The following SLCO3A1 variants were observed in gnomAD, a reference collection of about 807,000 sequenced individuals.
The protein encoded by SLCO3A1 is PGE1 transporter.
Under a neutral mutation model 63.1 loss-of-function variants are expected in SLCO3A1, and 27 were observed. The observed-to-expected ratio is 0.43, with a 90% CI of 0.32 to 0.59. SLCO3A1 has a LOEUF of 0.59. Ranked by LOEUF, SLCO3A1 falls within the 20% of genes least tolerant of loss-of-function variation. SLCO3A1 has a pLI of 0.09. For missense variants in SLCO3A1, 773 were observed against 945.8 expected (o/e 0.82, Z 2.40); for synonymous variants, 473 against 409.9 (o/e 1.15, Z -1.86).
At chr15:91,855,236 A>G (rs1896885062) in intron 1 of SLCO3A1, among the ~76,000 whole-genome samples, 1 of 152,120 alleles carries the variant, frequency 6.6e-6, no homozygotes, top group Admixed American at 6.5e-5. Flanking sequence ...CTTGGGGTAA[A>G]GTTCATGAGG....
chr15:91,891,040 T>A (rs1191415856), intron 1 of SLCO3A1, among the ~76,000 whole-genome samples: 1 of 151,636 alleles, frequency 6.6e-6, no homozygotes, highest in East Asian at 1.9e-4. Context: ...AGAAACCGAG[T>A]CAAATACTAT....
chr15:91,992,733 A>G (rs762314020), intron 2 of SLCO3A1, among the ~76,000 whole-genome samples: 4 of 152,204 alleles, frequency 2.6e-5, no homozygotes, highest in Admixed American at 6.5e-5. Flanking sequence ...TAATGTTCTC[A>G]GTGACAGCTT....
chr15:92,166,037 GGTTTT>G (rs548408222), downstream of SLCO3A1: 23 of 370,534 alleles, frequency 6.2e-5, no homozygotes, highest in South Asian at 1.3e-3. Context: ...AGAAGGTTTG[GGTTTT>G]GTTTTGTTTT....
intron 2 of SLCO3A1, among the ~76,000 whole-genome samples, chr15:92,028,267 A>T (rs568553038): frequency 2.0e-5 from 3 of 152,148 alleles, no homozygotes; most frequent in Admixed American, 1.3e-4. Flanking sequence ...CAGCCAGGGG[A>T]TGGTTGAGTC....
intron 2 of SLCO3A1, among the ~76,000 whole-genome samples, chr15:92,048,768 G>T (rs1447169937): frequency 6.6e-6 from 1 of 152,176 alleles, no homozygotes; most frequent in Admixed American, 6.6e-5. Context: ...GCTAGTGGCG[G>T]GCACCTGTAA....
intron 6 of SLCO3A1, 60 bp downstream of exon 6, chr15:92,126,319 C>T (rs1309398915): frequency 6.9e-7 from 1 of 1,454,842 alleles, no homozygotes; most frequent in Non-Finnish European, 9.6e-7. Flanking sequence ...CAATCTCCCT[C>T]TGCAGTAGGT....
intron 2 of SLCO3A1, among the ~76,000 whole-genome samples, chr15:92,026,717 C>T (rs2046578105): frequency 6.6e-6 from 1 of 152,138 alleles, no homozygotes; most frequent in South Asian, 2.1e-4. Context: ...TCATGGTTTT[C>T]ATTACACTGG....
intron 2 of SLCO3A1, among the ~76,000 whole-genome samples, chr15:92,038,744 A>T (rs932382088): frequency 6.6e-6 from 1 of 152,218 alleles, no homozygotes; most frequent in Admixed American, 6.5e-5. Flanking sequence ...TAGAATTCGA[A>T]AAAAACTACT....
chr15:92,000,909 T>TC (rs2046246641), intron 2 of SLCO3A1, among the ~76,000 whole-genome samples: 1 of 152,106 alleles, frequency 6.6e-6, no homozygotes, highest in Non-Finnish European at 1.5e-5. Context: ...TCCTGCTGAG[T>TC]CTGGGGTAGT....
At chr15:92,091,937 G>A (rs207977) in intron 2 of SLCO3A1, among the ~76,000 whole-genome samples, 84,881 of 152,092 alleles carry the variant, frequency 0.56, 26,659 homozygotes, top group South Asian at 0.73. Flanking sequence ...GAGGAATTTG[G>A]TGGAGAGGCT....
In SLCO3A1 at chr15:92,063,044, C is replaced by T. The variant is rs1191949181; in HGVS notation, c.647-31837C>T. 2.6e-5 allele frequency among the ~76,000 whole-genome samples: 4 copies of T among 152,202 alleles called. No homozygotes were observed. In the East Asian group the frequency reaches 7.7e-4, roughly 29 times the overall value. On this transcript the variant is annotated intron_variant, in intron 2 of 9. Transcript: ENST00000318445. ...GGGCTATCAGGTCACCCAAAAAGAA[C>T]AACCAAAATGGGCAGCTCAGAATAA...
At chr15:91,901,799 G>A (rs184155948) in intron 1 of SLCO3A1, among the ~76,000 whole-genome samples, 2 of 152,204 alleles carry the variant, frequency 1.3e-5, no homozygotes, top group South Asian at 2.1e-4. Flanking sequence ...GTGTCTAGGC[G>A]GGGATCTTTT....
In SLCO3A1 at chr15:91,997,114, C is replaced by T. The variant is rs571142131; in HGVS notation, c.646+80656C>T. ...CACCTAGAAAACCCTAAAGATTCCA[C>T]CCGAAGGTCCCTGGAAATGATAAAT... On this transcript the variant is annotated intron_variant, in intron 2 of 9. Transcript: ENST00000318445. Among the ~76,000 whole-genome samples, 3 of 152,320 alleles carry T rather than the reference C, an allele frequency of 2.0e-5. No individual in the cohort carries two copies. In the East Asian group the frequency reaches 5.8e-4, roughly 29 times the overall value.
At chr15:91,993,223 A>G (rs376680762) in intron 2 of SLCO3A1, among the ~76,000 whole-genome samples, 10 of 152,356 alleles carry the variant, frequency 6.6e-5, no homozygotes, top group African/African-American at 1.7e-4. Context: ...TTGCATTAGT[A>G]CAAACATTTC....
At chr15:92,154,869 G>A (rs1354048311) in intron 9 of SLCO3A1, among the ~76,000 whole-genome samples, 2 of 152,270 alleles carry the variant, frequency 1.3e-5, no homozygotes, top group South Asian at 2.1e-4. Context: ...TACAGGAACT[G>A]TAAAAACTAG....
At chr15:92,125,721 C>T (rs1373789660) in intron 5 of SLCO3A1, among the ~76,000 whole-genome samples, 7 of 151,896 alleles carry the variant, frequency 4.6e-5, no homozygotes, top group Non-Finnish European at 8.8e-5. Context: ...TGTACCCTCC[C>T]GAAGGCATGT....
At chr15:92,115,670 C>G (rs2047785628) in intron 4 of SLCO3A1, among the ~76,000 whole-genome samples, 1 of 151,796 alleles carries the variant, frequency 6.6e-6, no homozygotes, top group Non-Finnish European at 1.5e-5. Context: ...TACCTGACTC[C>G]TTAGACCAGG....
intron 1 of SLCO3A1, among the ~76,000 whole-genome samples, chr15:91,864,403 G>A (rs1204048883): frequency 1.3e-5 from 2 of 151,844 alleles, no homozygotes; most frequent in Non-Finnish European, 1.5e-5. Context: ...TTTGGGAATA[G>A]CAATTATAAA....
intron 5 of SLCO3A1, among the ~76,000 whole-genome samples, chr15:92,124,671 GA>G (rs1237390153): frequency 2.0e-5 from 3 of 152,032 alleles, no homozygotes; most frequent in African/African-American, 7.3e-5. Flanking sequence ...CAAGAAACAA[GA>G]AACCCAAAAA....
Sources: allele counts gnomAD v4.1 joint callset (sites outside exome capture counted in the v4.1 genomes callset), GRCh38; gene constraint gnomAD v4.1.1; transcripts MANE v1.5; gene names NCBI Gene and HGNC (gene_info 2026-07-23, HGNC 2026-07-21).